The following PRRC1 variants were observed in gnomAD, a reference collection of about 807,000 sequenced individuals.
The protein encoded by PRRC1 is protein PRRC1.
PRRC1 carries 39 observed loss-of-function variants against 40.7 expected under a neutral mutation model. That is an observed-to-expected ratio of 0.96 (90% confidence interval 0.74 to 1.25). PRRC1 has a LOEUF of 1.25. Among genes scored for constraint, PRRC1 ranks in the 50% most tolerant of loss-of-function variants. The pLI, the probability that PRRC1 is intolerant of heterozygous loss-of-function variation, is 0.00. For missense variants in PRRC1, 573 were observed against 548.3 expected (o/e 1.05, Z -0.45); for synonymous variants, 175 against 193.3 (o/e 0.91, Z 0.79).
At chr5:127,521,517 C>G (rs944960128) in intron 1 of PRRC1, among the ~76,000 whole-genome samples, 4 of 152,182 alleles carry the variant, frequency 2.6e-5, no homozygotes, top group Non-Finnish European at 5.9e-5. Flanking sequence ...TTCAGGTGTG[C>G]TCTTGACATT....
rs1768490287 is a variant in PRRC1 at position 127,555,047 on chromosome 5, G to T, written c.*3131G>T. The T allele has an allele frequency of 6.6e-6, 1 of 152,570 alleles. No individual in the cohort carries two copies. The highest frequency in any genetic ancestry group is 2.4e-5 in the African/African-American group (1 of 41,430). The allele number at this position is 152,570 out of a possible 1,614,324, so 9.5% of individuals were successfully genotyped here. ...TGAGTAAAATCAGTTTTGTAAATAT[G>T]TAAATATGTCATAAATAAACAATGC... On this transcript the variant is annotated 3_prime_UTR_variant, in exon 9 of 9. Transcript: ENST00000296666.
chr5:127,525,010 G>C (rs1170917764), intron 3 of PRRC1, 90 bp downstream of exon 3: 32 of 1,275,370 alleles, frequency 2.5e-5, no homozygotes, highest in Admixed American at 7.5e-5. Context: ...TATAATTTAT[G>C]TACTCTACAA....
intron 7 of PRRC1, among the ~76,000 whole-genome samples, chr5:127,541,280 A>G (rs1561685724): frequency 1.3e-5 from 2 of 152,172 alleles, no homozygotes; most frequent in South Asian, 2.1e-4. Flanking sequence ...GTTTGCCAGT[A>G]TTTTATTGAG....
At chr5:127,543,282 C>G (rs553498909) in intron 7 of PRRC1, among the ~76,000 whole-genome samples, 3 of 152,222 alleles carry the variant, frequency 2.0e-5, no homozygotes, top group Admixed American at 2.0e-4. Context: ...GTAACCCGAC[C>G]TTTCTCTCTG....
At chr5:127,545,819 G>T (rs1333908224) in intron 7 of PRRC1, among the ~76,000 whole-genome samples, 1 of 151,172 alleles carries the variant, frequency 6.6e-6, no homozygotes, top group Non-Finnish European at 1.5e-5. Flanking sequence ...CTTGTGTATT[G>T]TCTCTGTGAA....
chr5:127,550,379 G>T (rs1768347285), intron 8 of PRRC1: 1 of 151,856 alleles, frequency 6.6e-6, no homozygotes, highest in South Asian at 2.1e-4. Context: ...TTAATTTAAG[G>T]TAATGGAAAT....
chr5:127,519,112 T>C (rs1156881979), intron 1 of PRRC1, among the ~76,000 whole-genome samples: 1 of 152,210 alleles, frequency 6.6e-6, no homozygotes, highest in East Asian at 1.9e-4. Flanking sequence ...TGTTAGGGAT[T>C]CTCTTACAAT....
intron 1 of PRRC1, among the ~76,000 whole-genome samples, chr5:127,519,424 A>G (rs1031232491): frequency 3.3e-5 from 5 of 152,280 alleles, no homozygotes; most frequent in African/African-American, 1.2e-4. Context: ...TTTACACTGG[A>G]ATCTTTCTCC....
At position 127,524,638 on chromosome 5, in the gene PRRC1, C is replaced by G; in HGVS notation, c.211C>G (p.Pro71Ala). Residue 71 changes from proline (P) to alanine (A), a missense_variant, in exon 3 of 9, where the codon CCA becomes GCA. Coordinates refer to ENST00000296666, the MANE Select transcript of PRRC1 (RefSeq NM_130809.5). ...CCTTCCTCCTGTGAGGCCTTCAGCA[C>G]CATTACCTTTTGTGCCTCCTCCTGC... ...PPLPPVRPSA[P>A]LPFVPPPAVP... The G allele has an allele frequency of 1.4e-5, 22 of 1,614,152 alleles. No individual in the cohort carries two copies. Among genetic ancestry groups the G allele is most frequent in the Non-Finnish European group, 1.8e-5 (21 of 1,180,026 alleles).
chr5:127,517,931 C>T (rs923156047), intron 1 of PRRC1, 155 bp downstream of exon 1: 6 of 152,634 alleles, frequency 3.9e-5, no homozygotes, highest in African/African-American at 1.4e-4. Context: ...TGCGAGCCCC[C>T]TAGTCCCGTG....
At chr5:127,547,364 T>A (rs1000691972) in intron 7 of PRRC1, among the ~76,000 whole-genome samples, 1 of 152,094 alleles carries the variant, frequency 6.6e-6, no homozygotes, top group Non-Finnish European at 1.5e-5. Flanking sequence ...TTTGTTATTA[T>A]TTCCTCTGAG....
chr5:127,519,903 T>C lies in PRRC1; in HGVS notation c.-21+2127T>C, dbSNP rs564092062. Among the ~76,000 whole-genome samples, 12 of 152,324 alleles carry C rather than the reference T, an allele frequency of 7.9e-5. No individual in the cohort carries two copies. In the South Asian group the frequency reaches 2.5e-3, roughly 32 times the overall value. Reference sequence around the variant, plus strand: ...GAAAGAACATCAAACACATTGGCCTTCTGCAGTGTTTCCTATCTTTGTGCA... The same window carrying C: ...GAAAGAACATCAAACACATTGGCCTCCTGCAGTGTTTCCTATCTTTGTGCA... On this transcript the variant is annotated intron_variant, in intron 1 of 8. Coordinates refer to ENST00000296666, the MANE Select transcript of PRRC1 (RefSeq NM_130809.5).
rs1166430382 is a variant in PRRC1, at chr5:127,552,701, GTAC to G, written c.*787_*789del. 2 of 982,556 alleles carry G rather than the reference GTAC, an allele frequency of 2.0e-6. No homozygotes were observed. Among genetic ancestry groups the G allele is most frequent in the Non-Finnish European group, 2.4e-6 (2 of 826,992 alleles). The allele number at this position is 982,556 out of a possible 1,614,324, so 60.9% of individuals were successfully genotyped here. A position where few individuals can be genotyped will look rare whatever the true frequency, so the allele number is the denominator to read the frequency against. On this transcript the variant is annotated 3_prime_UTR_variant, in exon 9 of 9. Coordinates refer to ENST00000296666, the MANE Select transcript of PRRC1 (RefSeq NM_130809.5). ...AATTATTTTTGTATAATACTGTTCA[GTAC>G]TTCCAAGAATAAGCTCTGACAACAG...
chr5:127,527,316 A>G (rs1747578468), intron 4 of PRRC1, among the ~76,000 whole-genome samples: 1 of 152,112 alleles, frequency 6.6e-6, no homozygotes, highest in South Asian at 2.1e-4. Flanking sequence ...TACCTCACAT[A>G]TTTACCATTT....
In PRRC1 at chr5:127,553,461, G is replaced by GAGT; in HGVS notation, c.*1547_*1549dup. 1 of 1,118,204 alleles carries GAGT rather than the reference G, an allele frequency of 8.9e-7. No individual in the cohort carries two copies. The highest frequency in any genetic ancestry group is 1.1e-6 in the Non-Finnish European group (1 of 911,392). The allele number at this position is 1,118,204 out of a possible 1,614,324, so 69.3% of individuals were successfully genotyped here. A position where few individuals can be genotyped will look rare whatever the true frequency, so the allele number is the denominator to read the frequency against. ...GTTGCCTTGGTGTACTTTTGTCCAG[G>GAGT]AGTAACAGGGACAGAATACTTTCTT... On this transcript the variant is annotated 3_prime_UTR_variant, in exon 9 of 9. Transcript: ENST00000296666.
At chr5:127,539,000 T>C (rs1169710153) in intron 6 of PRRC1, 40 bp from the exon 7 acceptor site, 2 of 1,426,064 alleles carry the variant, frequency 1.4e-6, no homozygotes, top group African/African-American at 2.8e-5. Context: ...TAATATGTAA[T>C]AATTTGAAAT....
chr5:127,533,734 C>A lies in PRRC1; in HGVS notation c.869C>A (p.Ala290Asp). 1 of 1,614,090 alleles carries A rather than the reference C, an allele frequency of 6.2e-7. No individual in the cohort carries two copies. Among genetic ancestry groups the A allele is most frequent in the South Asian group, 1.1e-5 (1 of 91,084 alleles). Residue 290 changes from alanine to aspartate, a missense_variant, in exon 6 of 9, where the codon GCT becomes GAT. By Grantham distance (126) the Ala-to-Asp change is moderately radical. Transcript: ENST00000296666. ...GGCTTAGCTGTGGTTGTAGGGGAAG[C>A]TGGACAGTCCAATATTGCCCCACAA... is the stretch of plus-strand genomic sequence containing the variant. ...VFGLAVVVGE[A>D]GQSNIAPQPV...
chr5:127,547,831 T>C lies in PRRC1; in HGVS notation c.1038T>C (p.Ile346=). The change falls in exon 8 of 9, where the codon ATT becomes ATC. Residue 346 remains isoleucine, a synonymous_variant. Transcript: ENST00000296666. ...AELLPDKWFD[I]GCLVVEDPVH... ...AATTCTGTTGCAGATGGTTTGACAT[T>C]GGTTGTTTGGTGGTTGAAGATCCTG... 6.2e-7 allele frequency: 1 copy of C among 1,612,522 alleles called. No homozygotes were observed. The highest frequency in any genetic ancestry group is 8.5e-7 in the Non-Finnish European group (1 of 1,178,960).
At chr5:127,541,614 T>C (rs986034655) in intron 7 of PRRC1, among the ~76,000 whole-genome samples, 10 of 152,266 alleles carry the variant, frequency 6.6e-5, no homozygotes, top group African/African-American at 2.4e-4. Context: ...AGAGTGTATG[T>C]ATCGAGGAAT....
Sources: allele counts gnomAD v4.1 joint callset (sites outside exome capture counted in the v4.1 genomes callset), GRCh38; gene constraint gnomAD v4.1.1; transcripts MANE v1.5; gene names NCBI Gene and HGNC (gene_info 2026-07-23, HGNC 2026-07-21).